Variants in SMYD3 observed in about 807,000 individuals in gnomAD.
SMYD3 encodes the protein histone-lysine N-methyltransferase SMYD3.
In SMYD3, 36 loss-of-function variants were observed where a neutral mutation model predicts 57.7. The ratio of observed to expected loss-of-function variants is 0.62; its 90% CI spans 0.48 to 0.82. The LOEUF is 0.82. Among genes scored for constraint, SMYD3 ranks in the 40% least tolerant of loss-of-function variants. SMYD3 has a pLI of 0.00. For missense variants in SMYD3, 515 were observed against 538.8 expected (o/e 0.96, Z 0.44); for synonymous variants, 211 against 195.0 (o/e 1.08, Z -0.68).
chr1:246,335,998 A>G (rs1166903854), intron 2 of SMYD3, among the ~76,000 whole-genome samples: 1 of 152,230 alleles, frequency 6.6e-6, no homozygotes, highest in East Asian at 1.9e-4. Flanking sequence ...AAGAACTATT[A>G]GCTAAAATCA....
At chr1:246,255,838 T>A (rs2063875967) in intron 5 of SMYD3, among the ~76,000 whole-genome samples, 1 of 151,630 alleles carries the variant, frequency 6.6e-6, no homozygotes, top group Non-Finnish European at 1.5e-5. Context: ...CTCAATACTG[T>A]TCTCTTCAGG....
intron 7 of SMYD3, among the ~76,000 whole-genome samples, chr1:245,916,474 C>G (rs1334556746): frequency 1.3e-5 from 2 of 152,174 alleles, no homozygotes; most frequent in Admixed American, 6.5e-5. Context: ...TCAACCTGTT[C>G]CATCTCGGCT....
chr1:245,850,114 G>A (rs2050887412), intron 10 of SMYD3, among the ~76,000 whole-genome samples: 1 of 152,148 alleles, frequency 6.6e-6, no homozygotes, highest in South Asian at 2.1e-4. Flanking sequence ...GGCAAAGGAG[G>A]GGCAGAAATG....
intron 5 of SMYD3, among the ~76,000 whole-genome samples, chr1:246,252,467 G>C (rs1158784974): frequency 6.6e-6 from 1 of 152,104 alleles, no homozygotes. Context: ...AGGTCACATA[G>C]ACAGTAAGCA....
Position 246,491,407 on chromosome 1 carries a change from G to A in SMYD3, c.164+15647C>T, listed in dbSNP as rs76261641. Among the ~76,000 whole-genome samples the A allele has an allele frequency of 8.8e-3, 1,345 of 152,250 alleles. 24 individuals are homozygous for A. Among genetic ancestry groups the A allele is most frequent in the African/African-American group, 0.029 (1,204 of 41,534 alleles). ...ACAAAAAAATTAGCTAAGCATGGTA[G>A]CGGACACCGGTAATTCCAGCTAGCG... is the stretch of plus-strand genomic sequence containing the variant. On this transcript the variant is annotated intron_variant, in intron 1 of 11. Coordinates refer to ENST00000490107, the MANE Select transcript of SMYD3 (RefSeq NM_001167740.2).
rs76695800 is a variant in SMYD3 at position 246,049,119 on chromosome 1, G to A, written c.532-119182C>T. ...GGTTGGAGGCATTTTGAGGGGAGGA[G>A]CAAGTGTGAGCATGAGCCCAACCCT... On this transcript the variant is annotated intron_variant, in intron 5 of 11. Transcript: ENST00000490107. 5.8e-3 allele frequency among the ~76,000 whole-genome samples: 880 copies of A among 152,148 alleles called. 10 individuals are homozygous for A. The highest frequency in any genetic ancestry group is 4.9e-3 in the Non-Finnish European group (336 of 67,988).
intron 5 of SMYD3, chr1:245,930,161 GAGA>G: frequency 2.3e-6 from 1 of 440,280 alleles, no homozygotes; most frequent in South Asian, 1.8e-5. Context: ...AACCTCCTGG[GAGA>G]AAAAAAAAAA....
chr1:246,093,950 T>C (rs1235586306), intron 5 of SMYD3, among the ~76,000 whole-genome samples: 1 of 152,186 alleles, frequency 6.6e-6, no homozygotes, highest in Non-Finnish European at 1.5e-5. Flanking sequence ...CCTGGTTTAC[T>C]AGAAGTCGGT....
intron 5 of SMYD3, among the ~76,000 whole-genome samples, chr1:246,234,065 G>A (rs1272704154): frequency 7.1e-6 from 1 of 141,252 alleles, no homozygotes; most frequent in Non-Finnish European, 1.5e-5. Flanking sequence ...ACACAGAGGA[G>A]AAGCACTCCT....
Position 246,507,077 on chromosome 1 carries a change from G to T in SMYD3, c.141C>A (p.Val47=), listed in dbSNP as rs1276692891. ...ACCCGAGAAGGCAGCGGTCGCAGAC[G>T]ACGCCACGACTCCCCTTGCACACCG... The part of the protein sequence containing the change: ...AYTVCKGSRG[V]VCDRCLLGKE... The change falls in exon 1 of 12, where the codon GTC becomes GTA. Residue 47 remains valine, a synonymous_variant. Coordinates refer to ENST00000490107, the MANE Select transcript of SMYD3 (RefSeq NM_001167740.2). 1 of 1,504,726 alleles carries T rather than the reference G, an allele frequency of 6.6e-7. No homozygotes were observed. 93.2% of individuals were successfully genotyped at this position (1,504,726 alleles called of 1,614,324 possible).
chr1:245,913,231 A>T (rs2055134931), intron 8 of SMYD3, among the ~76,000 whole-genome samples: 1 of 152,080 alleles, frequency 6.6e-6, no homozygotes, highest in Admixed American at 6.5e-5. Flanking sequence ...ATGAAGCTGG[A>T]AACCATCATT....
chr1:245,965,577 T>A (rs929214500), intron 5 of SMYD3, among the ~76,000 whole-genome samples: 1 of 152,124 alleles, frequency 6.6e-6, no homozygotes, highest in Non-Finnish European at 1.5e-5. Context: ...CATCAAGCCA[T>A]CAAAGGACAT....
At chr1:246,086,057 G>A (rs374796947) in intron 5 of SMYD3, among the ~76,000 whole-genome samples, 8 of 151,318 alleles carry the variant, frequency 5.3e-5, no homozygotes, top group Admixed American at 2.0e-4. Flanking sequence ...AATTACCATA[G>A]GTTGCAATTT....
intron 5 of SMYD3, among the ~76,000 whole-genome samples, chr1:245,951,343 G>A (rs1205614184): frequency 8.7e-6 from 1 of 115,492 alleles, no homozygotes; most frequent in African/African-American, 4.1e-5. Flanking sequence ...GCTGAGGCGG[G>A]TGGATCACGA....
At chr1:246,250,155 G>C (rs1352656555) in intron 5 of SMYD3, among the ~76,000 whole-genome samples, 3 of 152,040 alleles carry the variant, frequency 2.0e-5, no homozygotes, top group Non-Finnish European at 2.9e-5. Context: ...CTGATACTAG[G>C]TTCTAATACT....
intron 5 of SMYD3, among the ~76,000 whole-genome samples, chr1:246,115,045 G>C (rs1253221947): frequency 6.6e-6 from 1 of 152,254 alleles, no homozygotes; most frequent in East Asian, 1.9e-4. Flanking sequence ...AGGAGGCCCT[G>C]AGTTAAGGTG....
intron 1 of SMYD3, among the ~76,000 whole-genome samples, chr1:246,421,275 C>A (rs1424229703): frequency 6.6e-6 from 1 of 151,496 alleles, no homozygotes; most frequent in African/African-American, 2.4e-5. Flanking sequence ...TACCTTACAA[C>A]AAAGAATAAA....
chr1:245,798,378 A>G (rs1572363333), intron 10 of SMYD3, among the ~76,000 whole-genome samples: 1 of 83,222 alleles, frequency 1.2e-5, no homozygotes, highest in Non-Finnish European at 2.2e-5. Flanking sequence ...TGACCTGTCA[A>G]CACACACACG....
chr1:246,459,918 CAAAA>C (rs35958617), intron 1 of SMYD3, among the ~76,000 whole-genome samples: 43 of 88,920 alleles, frequency 4.8e-4, no homozygotes, highest in African/African-American at 9.4e-4. Context: ...TTCCGCCACC[CAAAA>C]AAAAAAAAAA....
Sources: gnomAD v4.1 joint callset for allele counts (sites outside exome capture counted in the v4.1 genomes callset) on GRCh38, gnomAD v4.1.1 for gene constraint, MANE v1.5 for transcripts, NCBI Gene and HGNC (gene_info 2026-07-23, HGNC 2026-07-21) for gene names.